The following ERC1 variants were observed in gnomAD, a reference collection of about 807,000 sequenced individuals.
The protein encoded by ERC1 is ELKS/RAB6-interacting/CAST family member 1.
ERC1 carries 56 observed loss-of-function variants against 132.0 expected under a neutral mutation model. That is an observed-to-expected ratio of 0.42 (90% CI 0.34 to 0.53). The LOEUF is 0.53. Among genes scored for constraint, ERC1 ranks in the 20% least tolerant of loss-of-function variants. The pLI is 0.03. For synonymous variants in ERC1, 478 were observed against 476.1 expected (o/e 1.00, Z -0.05); for missense variants, 1,202 against 1,349.9 (o/e 0.89, Z 1.72).
intron 17 of ERC1, among the ~76,000 whole-genome samples, chr12:1,424,864 CGATAGATA>C (rs57661979): frequency 0.022 from 2,250 of 101,004 alleles, 34 homozygotes; most frequent in Middle Eastern, 0.036. Flanking sequence ...ATAGATAGAT[CGATAGATA>C]GATAGATAGA....
intron 13 of ERC1, among the ~76,000 whole-genome samples, chr12:1,251,043 T>C (rs2076440379): frequency 6.6e-6 from 1 of 152,232 alleles, no homozygotes; most frequent in Non-Finnish European, 1.5e-5. Flanking sequence ...ATATAGTCAA[T>C]GAAACATTTG....
chr12:1,167,653 C>A (rs2154263994), intron 8 of ERC1, among the ~76,000 whole-genome samples: 1 of 151,516 alleles, frequency 6.6e-6, no homozygotes, highest in South Asian at 2.1e-4. Flanking sequence ...TTAGAAAAAT[C>A]ATGTAATTTT....
intron 2 of ERC1, 83 bp from the exon 3 acceptor site, chr12:1,083,081 A>G (rs775543968): frequency 6.2e-5 from 74 of 1,186,282 alleles, no homozygotes; most frequent in Non-Finnish European, 8.5e-5. Context: ...TCTTGTAGCT[A>G]TTTTTGATTC....
At chr12:1,026,763 A>C (rs763160304) in intron 1 of ERC1, among the ~76,000 whole-genome samples, 1 of 152,248 alleles carries the variant, frequency 6.6e-6, no homozygotes, top group Non-Finnish European at 1.5e-5. Flanking sequence ...ATGAAGAATT[A>C]TGGATTTGTA....
intron 15 of ERC1, among the ~76,000 whole-genome samples, chr12:1,312,692 T>G (rs2081396398): frequency 6.6e-6 from 1 of 152,166 alleles, no homozygotes; most frequent in African/African-American, 2.4e-5. Context: ...ACATTTAATA[T>G]ATTGACTTTG....
chr12:1,465,957 G>A (rs956298726), intron 18 of ERC1, among the ~76,000 whole-genome samples: 3 of 152,148 alleles, frequency 2.0e-5, no homozygotes, highest in African/African-American at 4.8e-5. Flanking sequence ...GGCTAATTCT[G>A]TTGCCACTGA....
upstream of ERC1, chr12:990,411 G>C (rs1478487150): frequency 2.6e-5 from 4 of 151,898 alleles, no homozygotes; most frequent in African/African-American, 4.8e-5. Context: ...GTCTGCACGA[G>C]AAAATCGGGT....
At chr12:1,007,506 CACTGGGTAAT>C (rs1326484949) in intron 1 of ERC1, among the ~76,000 whole-genome samples, 1 of 144,520 alleles carries the variant, frequency 6.9e-6, no homozygotes, top group South Asian at 2.2e-4. Flanking sequence ...CTCTCTCTCT[CACTGGGTAAT>C]TCTCTCTCTC....
chr12:1,048,296 G>A (rs557776827), intron 2 of ERC1, among the ~76,000 whole-genome samples: 9 of 152,208 alleles, frequency 5.9e-5, no homozygotes, highest in East Asian at 5.8e-4. Context: ...GAAACCTATC[G>A]TTCATTACAA....
chr12:1,005,768 A>T (rs904869563), intron 1 of ERC1, among the ~76,000 whole-genome samples: 1 of 152,158 alleles, frequency 6.6e-6, no homozygotes, highest in East Asian at 1.9e-4. Flanking sequence ...GAACTTGACA[A>T]ATGCAGGTAA....
chr12:1,363,231 GT>G (rs2086304414), intron 15 of ERC1, among the ~76,000 whole-genome samples: 1 of 152,168 alleles, frequency 6.6e-6, no homozygotes, highest in African/African-American at 2.4e-5. Flanking sequence ...CAGATGTCGA[GT>G]TTTTTGCCCA....
intron 7 of ERC1, among the ~76,000 whole-genome samples, chr12:1,134,345 A>ATT (rs200661798): frequency 4.3e-4 from 62 of 143,662 alleles, no homozygotes; most frequent in Admixed American, 1.7e-3. Context: ...AGCTGTTCTA[A>ATT]TTTTTTTTTT....
At chr12:1,180,807 C>G in intron 9 of ERC1, 130 bp downstream of exon 9, 1 of 1,127,590 alleles carries the variant, frequency 8.9e-7, no homozygotes, top group South Asian at 1.5e-5. Flanking sequence ...TGCTGACATA[C>G]GTAGTGTGAA....
intron 7 of ERC1, among the ~76,000 whole-genome samples, chr12:1,132,717 T>TTTTA (rs10688122): frequency 0.93 from 141,814 of 152,018 alleles, 66,921 homozygotes; most frequent in East Asian, 1. Flanking sequence ...ATGGAAAGGC[T>TTTTA]TTTTTCTGAA....
chr12:1,372,281 T>A (rs1284206727), intron 16 of ERC1, among the ~76,000 whole-genome samples: 1 of 150,320 alleles, frequency 6.7e-6, no homozygotes, highest in Non-Finnish European at 1.5e-5. Flanking sequence ...TGAAAAGGCT[T>A]TTTTTTTTAA....
At chr12:1,079,006 C>CAA (rs35749387) in intron 2 of ERC1, among the ~76,000 whole-genome samples, 2 of 141,212 alleles carry the variant, frequency 1.4e-5, no homozygotes, top group East Asian at 2.1e-4. Context: ...TGTAATATGA[C>CAA]AAGTCGATAT....
At chr12:1,407,484 T>G (rs2091575316) in intron 16 of ERC1, among the ~76,000 whole-genome samples, 1 of 152,080 alleles carries the variant, frequency 6.6e-6, no homozygotes, top group Admixed American at 6.6e-5. Flanking sequence ...GCCAGGAGCT[T>G]GAGACAAGCC....
chr12:1,072,379 G>C (rs931882315), intron 2 of ERC1, among the ~76,000 whole-genome samples: 1 of 152,100 alleles, frequency 6.6e-6, no homozygotes, highest in African/African-American at 2.4e-5. Context: ...TTTCAAATAC[G>C]AAAACATGAA....
At chr12:1,355,269 AATT>A (rs2085413579) in intron 15 of ERC1, among the ~76,000 whole-genome samples, 1 of 152,210 alleles carries the variant, frequency 6.6e-6, no homozygotes, top group African/African-American at 2.4e-5. Flanking sequence ...CACAAAATGT[AATT>A]ATTATATGTT....
Sources: gnomAD v4.1 joint callset for allele counts (sites outside exome capture counted in the v4.1 genomes callset) on GRCh38, gnomAD v4.1.1 for gene constraint, MANE v1.5 for transcripts, NCBI Gene and HGNC (gene_info 2026-07-23, HGNC 2026-07-21) for gene names.